LETM2: variants seen among roughly 807,000 people sequenced by gnomAD.
LETM2 encodes the protein LETM1 domain-containing protein LETM2, mitochondrial.
LETM2 carries 58 observed loss-of-function variants against 59.6 expected under a neutral mutation model. The ratio of observed to expected loss-of-function variants is 0.97; its 90% CI spans 0.79 to 1.21. The LOEUF (loss-of-function observed/expected upper bound fraction) is 1.21. LETM2 is among the 50% of genes most tolerant of loss of function. LETM2 has a pLI of 0.00. For missense variants in LETM2, 572 were observed against 575.7 expected (o/e 0.99, Z 0.07); for synonymous variants, 199 against 214.1 (o/e 0.93, Z 0.62).
At chr8:38,406,340 C>CCT (rs1445211500) in intron 8 of LETM2, 2 of 152,188 alleles carry the variant, frequency 1.3e-5, no homozygotes, top group African/African-American at 4.8e-5. Context: ...GTGGCTCATG[C>CCT]CTGTAATCCA....
At chr8:38,385,872 A>G (rs1811754336), upstream of LETM2, among the ~76,000 whole-genome samples, 1 of 152,256 alleles carries the variant, frequency 6.6e-6, no homozygotes, top group South Asian at 2.1e-4. Context: ...AGCTACTATA[A>G]CATACATTTT....
At position 38,408,715 on chromosome 8, in the gene LETM2, A is replaced by G. The variant is rs1206064465; in HGVS notation, c.*441A>G. 2 of 159,374 alleles carry G rather than the reference A, an allele frequency of 1.3e-5. No individual in the cohort carries two copies. Among genetic ancestry groups the G allele is most frequent in the Non-Finnish European group, 2.8e-5 (2 of 72,186 alleles). The allele number at this position is 159,374 out of a possible 1,614,324, so 9.9% of individuals were successfully genotyped here. A position where few individuals can be genotyped will look rare whatever the true frequency, so the allele number is the denominator to read the frequency against. ...ACCTGATTAACTTTCTGAATGATCCACCAGTAGGATCAGCACCCTGGAAAC... is the reference window on the plus strand; with the variant it reads ...ACCTGATTAACTTTCTGAATGATCCGCCAGTAGGATCAGCACCCTGGAAAC... On this transcript the variant is annotated 3_prime_UTR_variant, in exon 11 of 11. Coordinates refer to ENST00000379957, the MANE Select transcript of LETM2 (RefSeq NM_001286819.2).
At chr8:38,386,848 G>T in intron 1 of LETM2, 1 of 152,724 alleles carries the variant, frequency 6.5e-6, no homozygotes, top group Non-Finnish European at 1.5e-5. Context: ...TTTCTCCTCG[G>T]CTTCATTTCC....
intron 6 of LETM2, 149 bp downstream of exon 6, chr8:38,401,202 T>C: frequency 1.5e-6 from 1 of 654,758 alleles, no homozygotes; most frequent in East Asian, 2.8e-5. Flanking sequence ...AGTGGCGCAA[T>C]CCTGGCTTAT....
intron 4 of LETM2, among the ~76,000 whole-genome samples, chr8:38,398,154 A>AG (rs1554536261): frequency 2.0e-5 from 3 of 151,960 alleles, no homozygotes; most frequent in African/African-American, 4.8e-5. Context: ...AAAAAAAAAA[A>AG]AGAGACTTGA....
chr8:38,404,359 G>T, intron 7 of LETM2, 34 bp from the exon 8 acceptor site: 1 of 1,425,602 alleles, frequency 7.0e-7, no homozygotes, highest in Non-Finnish European at 9.9e-7. Context: ...CTGGTGTTCT[G>T]ATTCTCACGT....
intron 2 of LETM2, among the ~76,000 whole-genome samples, chr8:38,391,189 A>AC (rs1342372098): frequency 4.9e-5 from 7 of 144,116 alleles, no homozygotes; most frequent in South Asian, 2.1e-4. Context: ...CTCAAAAAAA[A>AC]AAAAAAAAAC....
At position 38,392,601 on chromosome 8, in the gene LETM2, T is replaced by G. The variant is rs1370259371; in HGVS notation, c.107T>G (p.Leu36Arg). 3 of 1,613,610 alleles carry G rather than the reference T, an allele frequency of 1.9e-6. No homozygotes were observed. The African/African-American group carries it at 4.0e-5, about 22-fold the overall frequency. ...TCTTATTCCCCATCATGTGCATTTC[T>G]TCACTTGCCAGATTCCCATTTAAAT... ...CSSYSPSCAF[L>R]HLPDSHLNKT... is the part of the protein sequence containing the mutation. The change falls in exon 3 of 11, where the codon CTT becomes CGT. Residue 36 changes from leucine to arginine, a missense_variant. Physicochemically the swap from Leu to Arg is moderately radical, Grantham distance 102 (BLOSUM62 -2). Coordinates refer to ENST00000379957, the MANE Select transcript of LETM2 (RefSeq NM_001286819.2).
chr8:38,396,274 C>T (rs1812683467), intron 4 of LETM2, among the ~76,000 whole-genome samples: 1 of 151,978 alleles, frequency 6.6e-6, no homozygotes, highest in Non-Finnish European at 1.5e-5. Flanking sequence ...AGCGAGTCTC[C>T]TGCTTCAGCC....
chr8:38,397,288 G>T (rs964446128), intron 4 of LETM2, among the ~76,000 whole-genome samples: 1 of 151,724 alleles, frequency 6.6e-6, no homozygotes, highest in Non-Finnish European at 1.5e-5. Flanking sequence ...GCAATTCTCC[G>T]GCCTCAGCCT....
Position 38,392,735 on chromosome 8 carries a change from A to G in LETM2, c.241A>G (p.Thr81Ala). The change falls in exon 3 of 11, where the codon ACT (threonine) becomes GCT (alanine). Residue 81 changes from threonine (T) to alanine (A), a missense_variant. Physicochemically the swap from Thr to Ala is moderately conservative, Grantham distance 58. Transcript: ENST00000379957. ...ACTAATACAAAAGCTACACACATCC[A>G]CTTGCTGGCTGCAAGAAGTTCCTGG... ...TRLIQKLHTS[T>A]CWLQEVPGKP... is the part of the protein sequence containing the mutation. 1 of 1,614,216 alleles carries G rather than the reference A, an allele frequency of 6.2e-7. No homozygotes were observed. Among genetic ancestry groups the G allele is most frequent in the African/African-American group, 1.3e-5 (1 of 75,056 alleles).
At position 38,392,870 on chromosome 8, in the gene LETM2, A is replaced by G. The variant is rs150983987; in HGVS notation, c.376A>G (p.Ile126Val). Residue 126 changes from isoleucine to valine, a missense_variant, in exon 3 of 11, where the codon ATC (isoleucine) becomes GTC (valine). Transcript: ENST00000379957. ...KEGKQSYRQK[I>V]MDELKYYYNG... ...AGGCAAACAATCTTATAGACAAAAAATCATGGATGAACTAAAATATTATTA... is the reference window on the plus strand; with the variant it reads ...AGGCAAACAATCTTATAGACAAAAAGTCATGGATGAACTAAAATATTATTA... 29 of 1,614,208 alleles carry G rather than the reference A, an allele frequency of 1.8e-5. No individual in the cohort carries two copies. Among genetic ancestry groups the G allele is most frequent in the African/African-American group, 2.7e-5 (2 of 75,068 alleles).
chr8:38,399,901 G>A (rs1176627439), intron 4 of LETM2, among the ~76,000 whole-genome samples: 1 of 152,064 alleles, frequency 6.6e-6, no homozygotes, highest in Non-Finnish European at 1.5e-5. Flanking sequence ...AGCCGAGATC[G>A]TGCCACTGCA....
chr8:38,394,512 A>G, intron 4 of LETM2: 1 of 273,110 alleles, frequency 3.7e-6, no homozygotes, highest in Non-Finnish European at 6.8e-6. Context: ...TGTATCCACC[A>G]TCACAGTATC....
intron 4 of LETM2, among the ~76,000 whole-genome samples, chr8:38,397,541 G>A (rs567731230): frequency 3.0e-4 from 46 of 152,276 alleles, no homozygotes; most frequent in African/African-American, 9.9e-4. Flanking sequence ...GGTTATTTGT[G>A]GTTGAAGTAG....
At position 38,404,486 on chromosome 8, in the gene LETM2, G is replaced by A; in HGVS notation, c.1198G>A (p.Glu400Lys). The A allele has an allele frequency of 1.2e-6, 2 of 1,613,514 alleles. No homozygotes were observed. Among genetic ancestry groups the A allele is most frequent in the East Asian group, 2.2e-5 (1 of 44,870 alleles). The change falls in exon 8 of 11, where the codon GAG (glutamate) becomes AAG (lysine). Residue 400 changes from glutamate to lysine, a missense_variant. Transcript: ENST00000379957. ...YLIDVKPKPI[E>K]IPLSGEAPKT... ...GATAGATGTGAAGCCCAAGCCGATT[G>A]AGATACCACTCAGTGGGGAGGTGAG...
At chr8:38,395,067 T>A (rs1396165623) in intron 4 of LETM2, among the ~76,000 whole-genome samples, 1 of 152,222 alleles carries the variant, frequency 6.6e-6, no homozygotes, top group Non-Finnish European at 1.5e-5. Flanking sequence ...ATTCTTTTTA[T>A]CACTGAGTGA....
In LETM2 at chr8:38,409,111, A is replaced by C. The variant is rs1393468206; in HGVS notation, c.*837A>C. On this transcript the variant is annotated 3_prime_UTR_variant, in exon 11 of 11. Transcript: ENST00000379957. ...GCTACCCAGCAACAAGTATTACATTAGGATATTTATGCTTGGTGTTTTCAG... is the reference window on the plus strand; with the variant it reads ...GCTACCCAGCAACAAGTATTACATTCGGATATTTATGCTTGGTGTTTTCAG... 1.3e-5 allele frequency: 2 copies of C among 152,246 alleles called. No homozygotes were observed. The highest frequency in any genetic ancestry group is 4.8e-5 in the African/African-American group (2 of 41,462). The allele number at this position is 152,246 out of a possible 1,614,324, so 9.4% of individuals were successfully genotyped here. A position where few individuals can be genotyped will look rare whatever the true frequency, so the allele number is the denominator to read the frequency against.
At chr8:38,407,893 C>T (rs1813860269) in intron 10 of LETM2, among the ~76,000 whole-genome samples, 1 of 152,148 alleles carries the variant, frequency 6.6e-6, no homozygotes, top group Non-Finnish European at 1.5e-5. Context: ...GGGGCAAGAG[C>T]ACAGGGCATG....
Sources: gnomAD v4.1 joint callset for allele counts (sites outside exome capture counted in the v4.1 genomes callset) on GRCh38, gnomAD v4.1.1 for gene constraint, MANE v1.5 for transcripts, NCBI Gene and HGNC (gene_info 2026-07-23, HGNC 2026-07-21) for gene names.